Variants in RALYL observed in about 807,000 individuals in gnomAD.
RALYL encodes the protein RNA-binding Raly-like protein.
Under a neutral mutation model 35.1 loss-of-function variants are expected in RALYL, and 29 were observed. That is an observed-to-expected ratio of 0.83 (90% CI 0.61 to 1.13). The LOEUF is 1.13. Among genes scored for constraint, RALYL ranks in the 50% most tolerant of loss-of-function variants. RALYL has a pLI of 0.00. For missense variants in RALYL, 359 were observed against 360.4 expected, an observed-to-expected ratio of 1.00 and a Z score of 0.03; for synonymous variants, 120 against 127.6, an observed-to-expected ratio of 0.94 and a Z score of 0.40.
chr8:84,263,425 G>C (rs1460053751), intron 1 of RALYL, among the ~76,000 whole-genome samples: 5 of 152,104 alleles, frequency 3.3e-5, no homozygotes, highest in Non-Finnish European at 7.4e-5. Flanking sequence ...GTTGTGACAT[G>C]ACAAGTTACT....
intron 1 of RALYL, among the ~76,000 whole-genome samples, chr8:84,424,093 G>A (rs1392250586): frequency 6.6e-6 from 1 of 151,756 alleles, no homozygotes; most frequent in Admixed American, 6.6e-5. Context: ...CTGAACATTG[G>A]CCTGCCTTGC....
At position 84,310,067 on chromosome 8, in the gene RALYL, G is replaced by C. The variant is rs28578059; in HGVS notation, c.-24+125643G>C. On this transcript the variant is annotated intron_variant, in intron 1 of 8. Transcript: ENST00000521268. The stretch of plus-strand genomic sequence containing the variant: ...TTTTCTTTTTTTTTTTCTTTTTCTT[G>C]AGACAGAGTCTCGCTCTGTCACACA... Among the ~76,000 whole-genome samples, 1,090 of 145,814 alleles carry C rather than the reference G, an allele frequency of 7.5e-3. 9 individuals are homozygous for C. Among genetic ancestry groups the C allele is most frequent in the African/African-American group, 0.026 (1,045 of 39,494 alleles).
chr8:84,735,811 C>CGAGAGAGAGAGAGA (rs59842702), intron 2 of RALYL, among the ~76,000 whole-genome samples: 55 of 111,304 alleles, frequency 4.9e-4, no homozygotes, highest in Middle Eastern at 4.2e-3. Context: ...ATCCAAACCG[C>CGAGAGAGAGAGAGA]GAGAGAGAGA....
chr8:84,584,923 C>T (rs1276571168), intron 2 of RALYL, among the ~76,000 whole-genome samples: 1 of 152,152 alleles, frequency 6.6e-6, no homozygotes, highest in East Asian at 1.9e-4. Flanking sequence ...TTTTTCTCTT[C>T]CACTAAAAGC....
At chr8:84,701,233 A>T (rs1389695968) in intron 2 of RALYL, among the ~76,000 whole-genome samples, 1 of 152,174 alleles carries the variant, frequency 6.6e-6, no homozygotes, top group Non-Finnish European at 1.5e-5. Context: ...GGAAGCCCTG[A>T]TTGAAGCCCC....
At chr8:84,336,545 A>G (rs1024965239) in intron 1 of RALYL, among the ~76,000 whole-genome samples, 6 of 152,160 alleles carry the variant, frequency 3.9e-5, no homozygotes, top group African/African-American at 1.4e-4. Context: ...TAGGGATAGA[A>G]TGGGATATTT....
intron 1 of RALYL, among the ~76,000 whole-genome samples, chr8:84,225,235 C>A (rs780053802): frequency 6.6e-6 from 1 of 152,164 alleles, no homozygotes; most frequent in Non-Finnish European, 1.5e-5. Flanking sequence ...ATTGCCACCA[C>A]CCTAGGCCAA....
At chr8:84,544,036 A>G (rs538562834) in intron 2 of RALYL, among the ~76,000 whole-genome samples, 58 of 152,188 alleles carry the variant, frequency 3.8e-4, no homozygotes, top group African/African-American at 1.4e-3. Context: ...GATATCTGAA[A>G]AGAGTTTAAT....
intron 5 of RALYL, among the ~76,000 whole-genome samples, chr8:84,856,292 C>G (rs1836962964): frequency 6.6e-6 from 1 of 152,120 alleles, no homozygotes; most frequent in African/African-American, 2.4e-5. Flanking sequence ...TACAGAATTA[C>G]AAGAATTAAA....
At chr8:84,784,807 G>A (rs1387283935) in intron 3 of RALYL, among the ~76,000 whole-genome samples, 2 of 152,098 alleles carry the variant, frequency 1.3e-5, no homozygotes, top group Non-Finnish European at 2.9e-5. Context: ...ACACCACAAA[G>A]TCTCACTAGA....
At chr8:84,423,125 A>T (rs1339695582) in intron 1 of RALYL, among the ~76,000 whole-genome samples, 2 of 150,004 alleles carry the variant, frequency 1.3e-5, no homozygotes, top group South Asian at 2.1e-4. Context: ...TGTCTCGTTG[A>T]TCTGTCTAAT....
chr8:84,894,538 G>T (rs2135494390), intron 8 of RALYL, among the ~76,000 whole-genome samples: 1 of 152,222 alleles, frequency 6.6e-6, no homozygotes, highest in South Asian at 2.1e-4. Flanking sequence ...ATGGAGTTAG[G>T]GATAGGATGA....
intron 2 of RALYL, among the ~76,000 whole-genome samples, chr8:84,656,190 T>C (rs1829926345): frequency 6.6e-6 from 1 of 152,186 alleles, no homozygotes; most frequent in African/African-American, 2.4e-5. Context: ...TTTACCCTGA[T>C]TGAGGGCACA....
At chr8:84,461,668 T>C (rs1468861986) in intron 1 of RALYL, among the ~76,000 whole-genome samples, 3 of 151,728 alleles carry the variant, frequency 2.0e-5, no homozygotes, top group Non-Finnish European at 4.4e-5. Context: ...AAAAAGAATG[T>C]TATACTTCTT....
At chr8:84,543,646 T>C (rs1441922918) in intron 2 of RALYL, among the ~76,000 whole-genome samples, 1 of 152,168 alleles carries the variant, frequency 6.6e-6, no homozygotes, top group Admixed American at 6.5e-5. Context: ...TCTCAATTAA[T>C]GGTCAAATTA....
intron 1 of RALYL, among the ~76,000 whole-genome samples, chr8:84,491,909 C>T (rs783784): frequency 0.035 from 5,300 of 151,834 alleles, 129 homozygotes; most frequent in Middle Eastern, 0.1. Context: ...AACCCTATAT[C>T]CTTAGAATCT....
intron 1 of RALYL, among the ~76,000 whole-genome samples, chr8:84,385,150 T>C (rs927950339): frequency 7.9e-5 from 12 of 151,840 alleles, no homozygotes; most frequent in African/African-American, 2.7e-4. Flanking sequence ...ATATGAGTAA[T>C]CAGATGATCC....
chr8:84,713,120 T>G (rs1311685939), intron 2 of RALYL, among the ~76,000 whole-genome samples: 2 of 152,096 alleles, frequency 1.3e-5, no homozygotes, highest in African/African-American at 4.8e-5. Flanking sequence ...TTTAGTTCAT[T>G]GTATTTTTGT....
chr8:84,636,399 C>T (rs1825064036), intron 2 of RALYL, among the ~76,000 whole-genome samples: 1 of 151,752 alleles, frequency 6.6e-6, no homozygotes, highest in Non-Finnish European at 1.5e-5. Context: ...GTAATTCTTC[C>T]TGTGAGAGAT....
Sources: gnomAD v4.1 joint callset for allele counts (sites outside exome capture counted in the v4.1 genomes callset) on GRCh38, gnomAD v4.1.1 for gene constraint, MANE v1.5 for transcripts, NCBI Gene and HGNC (gene_info 2026-07-23, HGNC 2026-07-21) for gene names.